Variants in DDX60L observed in about 807,000 individuals in gnomAD.
The protein encoded by DDX60L is probable ATP-dependent RNA helicase DDX60-like.
Under a neutral mutation model 211.6 loss-of-function variants are expected in DDX60L, and 191 were observed. The observed-to-expected ratio is 0.90, with a 90% CI of 0.80 to 1.02. The LOEUF (loss-of-function observed/expected upper bound fraction) is 1.02, where lower values mean the gene tolerates loss of function less well. DDX60L is among the 50% of genes least tolerant of loss of function. The pLI is 0.00. For synonymous variants in DDX60L, 706 were observed against 694.1 expected (o/e 1.02, Z -0.27); for missense variants, 2,007 against 1,984.1 (o/e 1.01, Z -0.22).
chr4:168,399,280 C>CT, intron 26 of DDX60L, among the ~76,000 whole-genome samples: 1 of 3,326 alleles, frequency 3.0e-4, no homozygotes, highest in South Asian at 0.25. Context: ...CTTCAGGGAG[C>CT]CAGACCTAGG....
intron 29 of DDX60L, among the ~76,000 whole-genome samples, chr4:168,389,863 G>A (rs1019419334): frequency 1.3e-5 from 2 of 152,162 alleles, no homozygotes; most frequent in African/African-American, 4.8e-5. Flanking sequence ...CTTTTGGTAC[G>A]AAAGTGCAAG....
chr4:168,473,900 A>G (rs2150153996), intron 1 of DDX60L, among the ~76,000 whole-genome samples: 2 of 152,374 alleles, frequency 1.3e-5, no homozygotes, highest in Middle Eastern at 3.4e-3. Flanking sequence ...ACATTGCCAC[A>G]GGATTGGTAA....
chr4:168,406,519 G>C (rs1424775555), intron 23 of DDX60L, 83 bp downstream of exon 23: 1 of 939,180 alleles, frequency 1.1e-6, no homozygotes, highest in Non-Finnish European at 1.6e-6. Context: ...GAATAAGTGT[G>C]CTTACCTGTA....
chr4:168,472,262 G>C (rs1758886060), intron 3 of DDX60L, among the ~76,000 whole-genome samples, 193 bp downstream of exon 3: 1 of 152,180 alleles, frequency 6.6e-6, no homozygotes, highest in South Asian at 2.1e-4. Flanking sequence ...CCATGAATCT[G>C]ATTGTTTTAG....
In DDX60L at chr4:168,461,943, G is replaced by A. The variant is rs757851536; in HGVS notation, c.362C>T (p.Thr121Met). The change falls in exon 5 of 38, where the codon ACG becomes ATG. Residue 121 changes from threonine (T) to methionine (M), a missense_variant. Physicochemically the swap from Thr to Met is moderately conservative, Grantham distance 81 (BLOSUM62 -1). Coordinates refer to ENST00000682922, the MANE Select transcript of DDX60L (RefSeq NM_001012967.3). The stretch of plus-strand genomic sequence containing the variant: ...TTGTGATAAGCATCCAGAAAACTCC[G>A]TTTGCACATCAATGTTAGTATTGTG... ...LQHNTNIDVQ[T>M]EFSGCLSQDW... 24 of 1,612,964 alleles carry A rather than the reference G, an allele frequency of 1.5e-5. No homozygotes were observed. The highest frequency in any genetic ancestry group is 4.5e-5 in the East Asian group (2 of 44,856).
Position 168,386,278 on chromosome 4 carries a change from C to G in DDX60L, c.3916-1466G>C, listed in dbSNP as rs566742947. On this transcript the variant is annotated intron_variant, in intron 29 of 37. Transcript: ENST00000682922. ...AACTGTTCCCTATTTAAGCCATTTT[C>G]TCTAACTCTTTTAACAAATAGAGTT... is the stretch of plus-strand genomic sequence containing the variant. Among the ~76,000 whole-genome samples, 13 of 152,128 alleles carry G rather than the reference C, an allele frequency of 8.5e-5. No homozygotes were observed. In the East Asian group the frequency reaches 2.5e-3, roughly 29 times the overall value.
chr4:168,381,608 A>G (rs577725676), intron 30 of DDX60L, among the ~76,000 whole-genome samples: 9 of 152,032 alleles, frequency 5.9e-5, no homozygotes, highest in Non-Finnish European at 1.2e-4. Context: ...CTATAACTAG[A>G]AACTTCTCCT....
chr4:168,373,496 T>C (rs1361899614), intron 35 of DDX60L, among the ~76,000 whole-genome samples, 170 bp downstream of exon 35: 2 of 152,154 alleles, frequency 1.3e-5, no homozygotes. Flanking sequence ...GCCAACTCCA[T>C]AGAGCATAAA....
chr4:168,460,878 A>G (rs1465966485), intron 5 of DDX60L, among the ~76,000 whole-genome samples: 2 of 152,146 alleles, frequency 1.3e-5, no homozygotes, highest in African/African-American at 4.8e-5. Context: ...AGCATAGTTC[A>G]CCAGAACTCA....
chr4:168,367,549 T>TTTCACA (rs1283960188), intron 36 of DDX60L, among the ~76,000 whole-genome samples: 9 of 152,184 alleles, frequency 5.9e-5, no homozygotes, highest in African/African-American at 2.2e-4. Context: ...CACAGTAAAT[T>TTTCACA]GGTACCAGTA....
rs60915238 is a variant in DDX60L at position 168,392,840 on chromosome 4, CAA to C, written c.3811-1198_3811-1197del. On this transcript the variant is annotated intron_variant, in intron 28 of 37. Coordinates refer to ENST00000682922, the MANE Select transcript of DDX60L (RefSeq NM_001012967.3). ...GGGCAACAAGAGTGAAACTCTGTCT[CAA>C]AAAAAAAAAAAAAAAAAAGTGTTCC... 1.4e-3 allele frequency among the ~76,000 whole-genome samples: 172 copies of C among 126,544 alleles called. 1 individual carries two copies. In the South Asian group the frequency reaches 0.018, roughly 13 times the overall value. The allele number at this position is 126,544 out of a possible 152,430, so 83.0% of individuals were successfully genotyped here.
intron 28 of DDX60L, 87 bp downstream of exon 28, chr4:168,394,378 C>A: frequency 1.9e-6 from 2 of 1,074,152 alleles, no homozygotes; most frequent in African/African-American, 1.6e-5. Context: ...ATGAGAAAAC[C>A]AACTGGTATA....
In DDX60L at chr4:168,416,772, C is replaced by T. The variant is rs1481599134; in HGVS notation, c.2636G>A (p.Gly879Glu). Residue 879 changes from glycine (G) to glutamate (E), a missense_variant, in exon 20 of 38, where the codon GGA becomes GAA. Gly to Glu is a moderately conservative substitution (Grantham distance 98). Coordinates refer to ENST00000682922, the MANE Select transcript of DDX60L (RefSeq NM_001012967.3). ...AAGGAGGAGCTCCCAAAATTTTGCTCCAACTTCTCTGCCAAGATAATGGAC... is the reference window on the plus strand; with the variant it reads ...AAGGAGGAGCTCCCAAAATTTTGCTTCAACTTCTCTGCCAAGATAATGGAC... ...DEVHYLGREV[G>E]AKFWELLLVI... The T allele has an allele frequency of 1.9e-6, 3 of 1,595,930 alleles. No homozygotes were observed. Among genetic ancestry groups the T allele is most frequent in the Non-Finnish European group, 2.6e-6 (3 of 1,171,430 alleles).
At position 168,457,688 on chromosome 4, in the gene DDX60L, G is replaced by A. The variant is rs377581365; in HGVS notation, c.723+204C>T. On this transcript the variant is annotated intron_variant, in intron 6 of 37. Transcript: ENST00000682922. ...GAGTCTGTTTTAAAATATGGCTTCC[G>A]GAAATGAATATAAAATTACATATGC... 1.7e-4 allele frequency among the ~76,000 whole-genome samples: 26 copies of A among 152,058 alleles called. No individual in the cohort carries two copies. The South Asian group carries it at 3.9e-3, about 23-fold the overall frequency.
chr4:168,442,332 G>A (rs974754316), intron 9 of DDX60L, among the ~76,000 whole-genome samples: 8 of 152,236 alleles, frequency 5.3e-5, no homozygotes, highest in East Asian at 3.9e-4. Flanking sequence ...ATTATATCCC[G>A]CACCTGGCTC....
At chr4:168,393,444 C>T (rs1403278035) in intron 28 of DDX60L, among the ~76,000 whole-genome samples, 4 of 151,924 alleles carry the variant, frequency 2.6e-5, no homozygotes, top group Non-Finnish European at 4.4e-5. Flanking sequence ...TGCAGTGAGC[C>T]GAGATTATGC....
chr4:168,371,695 G>T lies in DDX60L; in HGVS notation c.4845C>A (p.Asn1615Lys). ...APLLWPWKLD[N>K]RGRRMPLNAY... ...CATTTAGTGGCATTCTCCTTCCTCG[G>T]TTATCTAATTTCCATGGCCACAGCA... Residue 1615 changes from asparagine (N) to lysine (K), a missense_variant, in exon 36 of 38, where the codon AAC becomes AAA. Coordinates refer to ENST00000682922, the MANE Select transcript of DDX60L (RefSeq NM_001012967.3). The T allele has an allele frequency of 6.2e-7, 1 of 1,611,522 alleles. No homozygotes were observed.
In DDX60L at chr4:168,441,804, G is replaced by A. The variant is rs573167171; in HGVS notation, c.1139-312C>T. Among the ~76,000 whole-genome samples the A allele has an allele frequency of 3.3e-5, 5 of 151,906 alleles. 1 individual carries two copies. Among genetic ancestry groups the A allele is most frequent in the African/African-American group, 7.3e-5 (3 of 41,328 alleles). ...TTCAAGACCATCTGGGCAATGTACC[G>A]AGATGCCCTCCCTGCCCAAAAAATT... On this transcript the variant is annotated intron_variant, in intron 9 of 37. Coordinates refer to ENST00000682922, the MANE Select transcript of DDX60L (RefSeq NM_001012967.3).
intron 1 of DDX60L, among the ~76,000 whole-genome samples, chr4:168,478,553 T>C (rs1012919882): frequency 6.6e-6 from 1 of 152,170 alleles, no homozygotes; most frequent in African/African-American, 2.4e-5. Context: ...CAGGTCTCCA[T>C]ACTTACAAAG....
Sources: gnomAD v4.1 joint callset for allele counts (sites outside exome capture counted in the v4.1 genomes callset) on GRCh38, gnomAD v4.1.1 for gene constraint, MANE v1.5 for transcripts, NCBI Gene and HGNC (gene_info 2026-07-23, HGNC 2026-07-21) for gene names.